ZNF8: variants seen among roughly 807,000 people sequenced by gnomAD.
The protein encoded by ZNF8 is zinc finger protein 8.
ZNF8 carries 9 observed loss-of-function variants against 12.2 expected under a neutral mutation model. The ratio of observed to expected loss-of-function variants is 0.73; its 90% CI spans 0.44 to 1.28. ZNF8 has a LOEUF of 1.28. Ranked by LOEUF, ZNF8 falls within the 50% of genes most tolerant of loss-of-function variation. ZNF8 has a pLI of 0.00. For synonymous variants in ZNF8, 274 were observed against 282.3 expected (o/e 0.97, Z 0.30); for missense variants, 664 against 729.1 (o/e 0.91, Z 1.03).
intron 3 of ZNF8, among the ~76,000 whole-genome samples, chr19:58,287,273 A>C (rs2051389029): frequency 6.6e-6 from 1 of 151,474 alleles, no homozygotes; most frequent in South Asian, 2.1e-4. Context: ...TCCTGGGCTC[A>C]AGCAATCCAC....
At chr19:58,290,039 G>A (rs949563043) in intron 3 of ZNF8, among the ~76,000 whole-genome samples, 11 of 147,950 alleles carry the variant, frequency 7.4e-5, no homozygotes, top group South Asian at 2.1e-4. Context: ...CTTGTGATCC[G>A]CCCGCCTCAG....
In ZNF8 at chr19:58,295,651, T is replaced by C. The variant is rs564218549; in HGVS notation, c.*115T>C. ...AAATGTCATGGGTGACTTCTGACTT[T>C]CTAAGGAAATGATGCTTCCCAAGCA... On this transcript the variant is annotated 3_prime_UTR_variant, in exon 4 of 4. Transcript: ENST00000621650. 2.1e-6 allele frequency: 2 copies of C among 948,224 alleles called. No individual in the cohort carries two copies. The highest frequency in any genetic ancestry group is 3.1e-6 in the Non-Finnish European group (2 of 637,550). 58.7% of individuals were successfully genotyped at this position (948,224 alleles called of 1,614,324 possible).
Position 58,294,527 on chromosome 19 carries a change from A to T in ZNF8, c.719A>T (p.Gln240Leu), listed in dbSNP as rs1488530422. The T allele has an allele frequency of 1.2e-6, 2 of 1,614,120 alleles. No homozygotes were observed. Among genetic ancestry groups the T allele is most frequent in the Non-Finnish European group, 1.7e-6 (2 of 1,180,048 alleles). ...AGTGACTGTCACAGAGATTCCAGTC[A>T]GGCCATTCCAATTACGGAACTCACA... ...ENSDCHRDSS[Q>L]AIPITELTKS... The change falls in exon 4 of 4, where the codon CAG becomes CTG. Residue 240 changes from glutamine to leucine, a missense_variant. Around this residue, in one of 3 missense-constraint regions of ZNF8, gnomAD observed 306 missense variants for 308.7 expected, o/e 0.99. Transcript: ENST00000621650. This position sits in a 1 kb window ranked among gnomAD's most constrained non-coding sequence, Gnocchi z 5.5.
chr19:58,279,706 A>G (rs756497406), intron 1 of ZNF8: 180 of 1,526,008 alleles, frequency 1.2e-4, no homozygotes, highest in Admixed American at 1.6e-4. Context: ...GTCCCCTGCG[A>G]GACTGTGGGA....
chr19:58,279,028 G>T lies in ZNF8; in HGVS notation c.-54G>T. ...GTCGGGTGGTCCCTTTGGCTGGAGTGCCTCTCTGGTCTGGGGATCACCTCA... is the reference window on the plus strand; with the variant it reads ...GTCGGGTGGTCCCTTTGGCTGGAGTTCCTCTCTGGTCTGGGGATCACCTCA... On this transcript the variant is annotated 5_prime_UTR_variant, in exon 1 of 4. Coordinates refer to ENST00000621650, the MANE Select transcript of ZNF8 (RefSeq NM_021089.3). 1.5e-6 allele frequency: 2 copies of T among 1,357,800 alleles called. No individual in the cohort carries two copies. Among genetic ancestry groups the T allele is most frequent in the Non-Finnish European group, 1.9e-6 (2 of 1,046,494 alleles). The allele number at this position is 1,357,800 out of a possible 1,614,324, so 84.1% of individuals were successfully genotyped here. A position where few individuals can be genotyped will look rare whatever the true frequency, so the allele number is the denominator to read the frequency against.
chr19:58,279,309 T>A, intron 1 of ZNF8, 162 bp downstream of exon 1: 1 of 1,510,276 alleles, frequency 6.6e-7, no homozygotes, highest in African/African-American at 1.4e-5. Flanking sequence ...CCGTCCTGGC[T>A]GGTCAGAGAG....
chr19:58,295,181 A>G lies in ZNF8; in HGVS notation c.1373A>G (p.Glu458Gly). 6.2e-7 allele frequency: 1 copy of G among 1,614,150 alleles called. No individual in the cohort carries two copies. Among genetic ancestry groups the G allele is most frequent in the Non-Finnish European group, 8.5e-7 (1 of 1,180,036 alleles). Reference sequence around the variant, plus strand: ...TGTGACCCACCTTTGAGTCAAGATGAGAGGACTCACCGAAGCGACAGACCC... The same window carrying G: ...TGTGACCCACCTTTGAGTCAAGATGGGAGGACTCACCGAAGCGACAGACCC... The part of the protein sequence containing the change: ...LGCDPPLSQD[E>G]RTHRSDRPFK... Residue 458 changes from glutamate (E) to glycine (G), a missense_variant, in exon 4 of 4, where the codon GAG becomes GGG. Glu to Gly is a moderately conservative substitution (Grantham distance 98). Coordinates refer to ENST00000621650, the MANE Select transcript of ZNF8 (RefSeq NM_021089.3).
In ZNF8 at chr19:58,281,866, A is replaced by G. The variant is rs141005056; in HGVS notation, c.66+2719A>G. ...AGTGGCTCATGCCTGTAATCCCAGC[A>G]CTTTGAGAGGCCACAGCAGATGGAT... is the stretch of plus-strand genomic sequence containing the variant. On this transcript the variant is annotated intron_variant, in intron 1 of 3. Transcript: ENST00000621650. Among the ~76,000 whole-genome samples the G allele has an allele frequency of 7.7e-3, 1,180 of 152,268 alleles. 5 individuals are homozygous for G. Among genetic ancestry groups the G allele is most frequent in the Non-Finnish European group, 0.013 (866 of 68,018 alleles).
At position 58,294,234 on chromosome 19, in the gene ZNF8, G is replaced by C; in HGVS notation, c.426G>C (p.Glu142Asp). ...PYPTTLGKDR[E>D]CQSQSLALKE... ...CCACCACGTTAGGGAAAGACAGGGA[G>C]TGTCAGAGCCAGAGTCTGGCACTCA... The change falls in exon 4 of 4, where the codon GAG becomes GAC. Residue 142 changes from glutamate (E) to aspartate (D), a missense_variant. Coordinates refer to ENST00000621650, the MANE Select transcript of ZNF8 (RefSeq NM_021089.3). The surrounding 1 kb of genome is among the most constrained non-coding windows in gnomAD (Gnocchi z 5.5). 1 of 1,614,186 alleles carries C rather than the reference G, an allele frequency of 6.2e-7. No homozygotes were observed.
In ZNF8 at chr19:58,298,811, A is replaced by C. The variant is rs2051472731; in HGVS notation, c.*3275A>C. On this transcript the variant is annotated 3_prime_UTR_variant, in exon 4 of 4. Coordinates refer to ENST00000621650, the MANE Select transcript of ZNF8 (RefSeq NM_021089.3). ...TAATCATAATCTAAACAAGATCCAC[A>C]CAGTGCATTTGGTTGGAATTTTTCT... 3 of 151,248 alleles carry C rather than the reference A, an allele frequency of 2.0e-5. No homozygotes were observed. The South Asian group carries it at 6.3e-4, about 32-fold the overall frequency. The allele number at this position is 151,248 out of a possible 1,614,324, so 9.4% of individuals were successfully genotyped here.
chr19:58,295,740 C>T lies in ZNF8; in HGVS notation c.*204C>T. On this transcript the variant is annotated 3_prime_UTR_variant, in exon 4 of 4. Transcript: ENST00000621650. Reference sequence around the variant, plus strand: ...CCCTCTTTAGCGACATATTTTGTGACATTCCTTCCATTACACCACAGTGAG... The same window carrying T: ...CCCTCTTTAGCGACATATTTTGTGATATTCCTTCCATTACACCACAGTGAG... 2 of 551,792 alleles carry T rather than the reference C, an allele frequency of 3.6e-6. No individual in the cohort carries two copies. Among genetic ancestry groups the T allele is most frequent in the Non-Finnish European group, 6.3e-6 (2 of 315,146 alleles). 34.2% of individuals were successfully genotyped at this position (551,792 alleles called of 1,614,324 possible).
In ZNF8 at chr19:58,294,620, A is replaced by T. The variant is rs2051441579; in HGVS notation, c.812A>T (p.His271Leu). The T allele has an allele frequency of 6.2e-7, 1 of 1,614,034 alleles. No individual in the cohort carries two copies. Among genetic ancestry groups the T allele is most frequent in the African/African-American group, 1.3e-5 (1 of 74,924 alleles). The change falls in exon 4 of 4, where the codon CAC becomes CTC. Residue 271 changes from histidine to leucine, a missense_variant. Around this residue, in one of 3 missense-constraint regions of ZNF8, gnomAD observed 133 missense variants for 198.4 expected, o/e 0.67. Transcript: ENST00000621650. The surrounding 1 kb of genome is among the most constrained non-coding windows in gnomAD (Gnocchi z 5.5). ...GGGAAGTCGTTTAACCATAACGCACACCTCACCGTGCACAAGAGGATTCAT... is the reference window on the plus strand; with the variant it reads ...GGGAAGTCGTTTAACCATAACGCACTCCTCACCGTGCACAAGAGGATTCAT... Reference protein sequence around the residue: ...DCGKSFNHNAHLTVHKRIHTG... With the variant: ...DCGKSFNHNALLTVHKRIHTG...
At chr19:58,286,066 C>A in intron 2 of ZNF8, 44 bp from the exon 3 acceptor site, 1 of 1,588,788 alleles carries the variant, frequency 6.3e-7, no homozygotes, top group South Asian at 1.1e-5. Context: ...TGTTGTTTCT[C>A]TCCTGAGCAG....
In ZNF8 at chr19:58,300,085, G is replaced by A. The variant is rs2051482452; in HGVS notation, c.*4549G>A. ...CGCATAGCTAAATGCTGCACCCTCCGACACTGCCACAATAATAGTTCTGTG... is the reference window on the plus strand; with the variant it reads ...CGCATAGCTAAATGCTGCACCCTCCAACACTGCCACAATAATAGTTCTGTG... On this transcript the variant is annotated 3_prime_UTR_variant, in exon 4 of 4. Coordinates refer to ENST00000621650, the MANE Select transcript of ZNF8 (RefSeq NM_021089.3). The A allele has an allele frequency of 6.6e-6, 1 of 152,128 alleles. No homozygotes were observed. The highest frequency in any genetic ancestry group is 2.1e-4 in the South Asian group (1 of 4,836). The allele number at this position is 152,128 out of a possible 1,614,324, so 9.4% of individuals were successfully genotyped here.
intron 3 of ZNF8, 22 bp downstream of exon 3, chr19:58,286,227 G>A (rs771655314): frequency 5.6e-6 from 9 of 1,606,950 alleles, no homozygotes; most frequent in Non-Finnish European, 7.7e-6. Flanking sequence ...CTATGTGGGA[G>A]CAGCTAATGG....
At chr19:58,285,035 T>C (rs924725379) in intron 1 of ZNF8, among the ~76,000 whole-genome samples, 7 of 152,170 alleles carry the variant, frequency 4.6e-5, no homozygotes, top group Admixed American at 1.3e-4. Context: ...TAAGTGTCCT[T>C]GTGGGCTCTT....
chr19:58,288,599 A>C (rs988371228), intron 3 of ZNF8, among the ~76,000 whole-genome samples: 1 of 152,112 alleles, frequency 6.6e-6, no homozygotes, highest in South Asian at 2.1e-4. Context: ...AGATTGTCAT[A>C]ATTGGCTTGG....
intron 2 of ZNF8, 47 bp downstream of exon 2, chr19:58,285,890 T>C (rs1555774401): frequency 9.6e-6 from 15 of 1,570,446 alleles, no homozygotes; most frequent in Non-Finnish European, 1.2e-5. Context: ...CTCTGGGTTA[T>C]AAGTCATGGG....
At chr19:58,289,270 C>T (rs1002443594) in intron 3 of ZNF8, among the ~76,000 whole-genome samples, 67 of 152,118 alleles carry the variant, frequency 4.4e-4, no homozygotes, top group Middle Eastern at 3.2e-3. Context: ...CCAGGGCAGA[C>T]GGATCACTTG....
Sources: gnomAD v4.1 joint callset for allele counts (sites outside exome capture counted in the v4.1 genomes callset) on GRCh38, gnomAD v4.1.1 for gene constraint, gnomAD v4.1.1 regional missense constraint, Gnocchi (gnomAD v3.1) non-coding constraint, MANE v1.5 for transcripts, NCBI Gene and HGNC (gene_info 2026-07-23, HGNC 2026-07-21) for gene names.